The following GPHN variants were observed in gnomAD, a reference collection of about 807,000 sequenced individuals.
GPHN encodes the protein gephyrin.
Under a neutral mutation model 95.5 loss-of-function variants are expected in GPHN, and 17 were observed. The ratio of observed to expected loss-of-function variants is 0.18; its 90% CI spans 0.12 to 0.27. The LOEUF is 0.27. Ranked by LOEUF, GPHN falls within the 10% of genes least tolerant of loss-of-function variation. The pLI is 1.00. For missense variants in GPHN, 660 were observed against 978.1 expected (o/e 0.67, Z 4.34); for synonymous variants, 320 against 322.5 (o/e 0.99, Z 0.08).
At chr14:66,940,878 G>T (rs1425658560) in intron 8 of GPHN, among the ~76,000 whole-genome samples, 6 of 152,146 alleles carry the variant, frequency 3.9e-5, no homozygotes, top group Non-Finnish European at 8.8e-5. Flanking sequence ...TCCAACAAGG[G>T]AGAGAAAAGG....
the GPHN span, among the ~76,000 whole-genome samples, chr14:67,627,121 A>G: frequency 6.6e-6 from 1 of 152,166 alleles, no homozygotes; most frequent in Non-Finnish European, 1.5e-5. Flanking sequence ...TTGTAGAATT[A>G]GGTAGTGTCG....
In GPHN at chr14:67,181,544, C is replaced by A. The variant is rs960978853; in HGVS notation, c.*607C>A. 5 of 487,130 alleles carry A rather than the reference C, an allele frequency of 1.0e-5. No homozygotes were observed. Among genetic ancestry groups the A allele is most frequent in the African/African-American group, 3.9e-5 (2 of 50,986 alleles). 30.2% of individuals were successfully genotyped at this position (487,130 alleles called of 1,614,324 possible). ...ACAGTACTCTTGGGCAGTAACTGGA[C>A]ACCTTTTATTTGAAGAAACAAACTG... On this transcript the variant is annotated 3_prime_UTR_variant, in exon 23 of 23. Coordinates refer to ENST00000478722, the MANE Select transcript of GPHN (RefSeq NM_020806.5).
rs867626068 is a variant in GPHN, at chr14:66,902,318, A to G, written c.390-13685A>G. Among the ~76,000 whole-genome samples the G allele has an allele frequency of 2.0e-5, 3 of 152,210 alleles. No homozygotes were observed. In the Middle Eastern group the frequency reaches 0.01, roughly 518 times the overall value. On this transcript the variant is annotated intron_variant, in intron 5 of 22. Transcript: ENST00000478722. ...CTATAAGGTCATGTCATCTGCAAAC[A>G]AGTCTACTTTCACTTCTTCTCTTCC...
At chr14:66,525,957 T>A (rs879456685) in intron 1 of GPHN, among the ~76,000 whole-genome samples, 2 of 152,188 alleles carry the variant, frequency 1.3e-5, no homozygotes, top group African/African-American at 2.4e-5. Flanking sequence ...TAGGATTGTC[T>A]TGGCTATGTG....
chr14:67,388,137 A>G, the GPHN span: 1 of 846,690 alleles, frequency 1.2e-6, no homozygotes, highest in African/African-American at 1.7e-5. Flanking sequence ...TCGGCTCCCA[A>G]AGCTGTCATT....
At chr14:67,143,679 T>G (rs2153705070) in intron 18 of GPHN, among the ~76,000 whole-genome samples, 1 of 152,286 alleles carries the variant, frequency 6.6e-6, no homozygotes, top group Non-Finnish European at 1.5e-5. Context: ...GAATGGTTTT[T>G]GCTATTCCTG....
chr14:67,364,629 T>C, the GPHN span: 1 of 844,816 alleles, frequency 1.2e-6, no homozygotes, highest in Non-Finnish European at 1.7e-6. Context: ...ACTTAAGAAG[T>C]TTCAAAGGAT....
At chr14:67,134,994 C>CT (rs1441043216) in intron 17 of GPHN, among the ~76,000 whole-genome samples, 1 of 67,460 alleles carries the variant, frequency 1.5e-5, no homozygotes, top group African/African-American at 6.0e-5. Flanking sequence ...GAGTCTTACT[C>CT]TGTCACCCAG....
At chr14:66,781,415 C>A (rs2059602090) in intron 3 of GPHN, among the ~76,000 whole-genome samples, 1 of 152,014 alleles carries the variant, frequency 6.6e-6, no homozygotes, top group Admixed American at 6.6e-5. Flanking sequence ...CAGGGTTTTG[C>A]TATGTGGGCC....
At chr14:67,057,571 A>G (rs1034152095) in intron 10 of GPHN, among the ~76,000 whole-genome samples, 3 of 152,196 alleles carry the variant, frequency 2.0e-5, no homozygotes, top group African/African-American at 7.2e-5. Context: ...CATCCTGCAC[A>G]TGTATCCTGG....
chr14:67,235,526 T>G, the GPHN span, among the ~76,000 whole-genome samples: 1 of 152,002 alleles, frequency 6.6e-6, no homozygotes, highest in Non-Finnish European at 1.5e-5. Flanking sequence ...CCATCCTGGC[T>G]AACACGGTGA....
the GPHN span, among the ~76,000 whole-genome samples, chr14:67,285,978 C>A: frequency 0.15 from 23,524 of 152,018 alleles, 3,434 homozygotes; most frequent in East Asian, 0.42. Context: ...TTTAAATAAT[C>A]AAGAGTTAAA....
chr14:67,140,620 G>A (rs1233649243), intron 17 of GPHN, among the ~76,000 whole-genome samples: 3 of 152,076 alleles, frequency 2.0e-5, no homozygotes, highest in Non-Finnish European at 4.4e-5. Flanking sequence ...AATTATATTT[G>A]TTGATAGTAT....
chr14:66,807,309 C>T (rs911855134), intron 3 of GPHN, among the ~76,000 whole-genome samples: 2 of 152,194 alleles, frequency 1.3e-5, no homozygotes, highest in Admixed American at 1.3e-4. Flanking sequence ...GGTGGGGACA[C>T]AGCCAAACCA....
chr14:66,662,631 G>A (rs921672793), intron 1 of GPHN, among the ~76,000 whole-genome samples: 2 of 152,188 alleles, frequency 1.3e-5, no homozygotes, highest in Admixed American at 6.5e-5. Context: ...TGAGATGGCC[G>A]AAATGACAGA....
intron 5 of GPHN, among the ~76,000 whole-genome samples, chr14:66,904,103 T>G (rs1053119441): frequency 1.1e-4 from 17 of 152,156 alleles, no homozygotes; most frequent in African/African-American, 3.9e-4. Context: ...GTTGGTTCCT[T>G]CCGGTGGGTT....
the GPHN span, chr14:67,570,406 T>C: frequency 2.6e-6 from 1 of 378,018 alleles, no homozygotes; most frequent in Non-Finnish European, 3.7e-6. Context: ...AGAATTGCAA[T>C]ATTTTCATAC....
chr14:67,719,402 C>G, the GPHN span, among the ~76,000 whole-genome samples: 1 of 152,296 alleles, frequency 6.6e-6, no homozygotes, highest in East Asian at 1.9e-4. Flanking sequence ...CTTTTCCAAG[C>G]AGTTCATTTG....
At chr14:67,110,543 A>T (rs2078307847) in intron 14 of GPHN, among the ~76,000 whole-genome samples, 1 of 152,202 alleles carries the variant, frequency 6.6e-6, no homozygotes, top group African/African-American at 2.4e-5. Flanking sequence ...GCAAACAACG[A>T]AAGAAAGTAC....
Sources: allele counts gnomAD v4.1 joint callset (sites outside exome capture counted in the v4.1 genomes callset), GRCh38; gene constraint gnomAD v4.1.1; transcripts MANE v1.5; gene names NCBI Gene and HGNC (gene_info 2026-07-23, HGNC 2026-07-21).